Variants in COG4 observed in about 807,000 individuals in gnomAD.
COG4 encodes the protein component of oligomeric golgi complex 4, also known as conserved oligomeric Golgi complex subunit 4.
Under a neutral mutation model 95.1 loss-of-function variants are expected in COG4, and 65 were observed. The ratio of observed to expected loss-of-function variants is 0.68; its 90% CI spans 0.56 to 0.84. The LOEUF is 0.84. Ranked by LOEUF, COG4 falls within the 40% of genes least tolerant of loss-of-function variation. The pLI, the probability that COG4 is intolerant of heterozygous loss-of-function variation, is 0.00. For missense variants in COG4, 1,045 were observed against 989.1 expected (o/e 1.06, Z -0.76); for synonymous variants, 421 against 374.8 (o/e 1.12, Z -1.42).
At chr16:70,523,083 T>A in intron 1 of COG4, 1 of 470,204 alleles carries the variant, frequency 2.1e-6, no homozygotes, top group Non-Finnish European at 3.8e-6. Flanking sequence ...ACTCTCAGAC[T>A]AACTTTACTC....
At chr16:70,482,302 T>TCC in intron 15 of COG4, 127 bp from the exon 16 acceptor site, 1 of 749,564 alleles carries the variant, frequency 1.3e-6, no homozygotes. Flanking sequence ...CTGACTCATC[T>TCC]AGTTTAAAAC....
At chr16:70,483,145 C>T (rs1455752854) in intron 14 of COG4, among the ~76,000 whole-genome samples, 1 of 71,084 alleles carries the variant, frequency 1.4e-5, no homozygotes, top group Non-Finnish European at 2.9e-5. Context: ...CGTCTCCCCA[C>T]CCCTTCCCTC....
rs1484757704 is a variant in COG4 at position 70,507,266 on chromosome 16, C to G, written c.1061+1140G>C. ...TCAAAAAAGCAAAAAAACCCCAAAA[C>G]AACAACAAAAAAAAACTGTATCGGT... On this transcript the variant is annotated intron_variant, in intron 8 of 18. Coordinates refer to ENST00000323786, the MANE Select transcript of COG4 (RefSeq NM_015386.3). 2.0e-5 allele frequency among the ~76,000 whole-genome samples: 3 copies of G among 150,774 alleles called. No homozygotes were observed. In the South Asian group the frequency reaches 6.3e-4, roughly 31 times the overall value.
intron 1 of COG4, among the ~76,000 whole-genome samples, chr16:70,521,316 C>T (rs1419454665): frequency 1.3e-5 from 2 of 151,702 alleles, no homozygotes; most frequent in Non-Finnish European, 2.9e-5. Context: ...CCCTGGGGTT[C>T]AAGCGATTTT....
intron 1 of COG4, chr16:70,523,133 G>A (rs2151768805): frequency 3.6e-6 from 2 of 557,484 alleles, no homozygotes; most frequent in South Asian, 2.1e-5. Context: ...GGAAATCAAC[G>A]GGGGTCTAGG....
intron 14 of COG4, among the ~76,000 whole-genome samples, chr16:70,483,476 G>A (rs1387212859): frequency 2.0e-5 from 3 of 151,722 alleles, no homozygotes; most frequent in Admixed American, 6.6e-5. Context: ...CCAGGGTAAC[G>A]ATGAGGCCTT....
In COG4 at chr16:70,482,104, C is replaced by T. The variant is rs911959004; in HGVS notation, c.1992G>A (p.Met664Ile). 5.0e-6 allele frequency: 8 copies of T among 1,613,646 alleles called. No individual in the cohort carries two copies. The highest frequency in any genetic ancestry group is 6.8e-6 in the Non-Finnish European group (8 of 1,179,712). The change falls in exon 16 of 19, where the codon ATG (methionine) becomes ATA (isoleucine). Residue 664 changes from methionine to isoleucine, a missense_variant. Coordinates refer to ENST00000323786, the MANE Select transcript of COG4 (RefSeq NM_015386.3). ...GGCCCCTGCTCACCTTGAACTCTGCCATTTGCTGCTCCAGGTTAAGGATGA... is the reference window on the plus strand; with the variant it reads ...GGCCCCTGCTCACCTTGAACTCTGCTATTTGCTGCTCCAGGTTAAGGATGA... ...QQFILNLEQQ[M>I]AEFKASLSPV...
Position 70,512,361 on chromosome 16 carries a change from T to C in COG4, c.616A>G (p.Lys206Glu). 6.2e-7 allele frequency: 1 copy of C among 1,614,136 alleles called. No homozygotes were observed. The highest frequency in any genetic ancestry group is 8.5e-7 in the Non-Finnish European group (1 of 1,180,008). Residue 206 changes from lysine to glutamate, a missense_variant, in exon 5 of 19, where the codon AAG (lysine) becomes GAG (glutamate). By Grantham distance (56) the Lys-to-Glu change is moderately conservative. Coordinates refer to ENST00000323786, the MANE Select transcript of COG4 (RefSeq NM_015386.3). ...CCTTCCTTGGTGGCAATGGCAAACT[T>C]CTCTGCCACAATGGCTTTGAGACGT... ...EQRLKAIVAE[K>E]FAIATKEGDL...
At chr16:70,508,892 A>G (rs995613961) in intron 7 of COG4, 13 of 530,454 alleles carry the variant, frequency 2.5e-5, no homozygotes, top group Non-Finnish European at 7.1e-6. Flanking sequence ...TTACTTGGAC[A>G]CTTAATAGGA....
At chr16:70,517,488 T>G in intron 3 of COG4, 138 bp downstream of exon 3, 1 of 638,188 alleles carries the variant, frequency 1.6e-6, no homozygotes, top group Non-Finnish European at 2.7e-6. Context: ...CTCAGGAGGC[T>G]GAGGTGGGAG....
At chr16:70,492,835 T>A (rs1597664009) in intron 12 of COG4, among the ~76,000 whole-genome samples, 1 of 151,358 alleles carries the variant, frequency 6.6e-6, no homozygotes, top group Non-Finnish European at 1.5e-5. Context: ...TGGTGGCAGG[T>A]GCCTGTAATC....
Position 70,512,233 on chromosome 16 carries a change from C to T in COG4, c.738+6G>A, listed in dbSNP as rs764659186. The T allele has an allele frequency of 6.2e-7, 1 of 1,613,138 alleles. No individual in the cohort carries two copies. Among genetic ancestry groups the T allele is most frequent in the Non-Finnish European group, 8.5e-7 (1 of 1,179,132 alleles). ...AATTATCCTGCCAAGCAATCAGGGTCCATACCTGCTTGCAAAGGTACTCCG... is the reference window on the plus strand; with the variant it reads ...AATTATCCTGCCAAGCAATCAGGGTTCATACCTGCTTGCAAAGGTACTCCG... On this transcript the variant is annotated splice_donor_region_variant and intron_variant, in intron 5 of 18. Transcript: ENST00000323786.
intron 13 of COG4, among the ~76,000 whole-genome samples, chr16:70,488,314 A>G (rs942754095): frequency 2.6e-5 from 4 of 151,344 alleles, no homozygotes; most frequent in African/African-American, 9.7e-5. Flanking sequence ...TTGTATTTTT[A>G]GTAGAGACAG....
intron 7 of COG4, 161 bp from the exon 8 acceptor site, chr16:70,508,625 G>A (rs2151757719): frequency 1.4e-6 from 1 of 711,262 alleles, no homozygotes; most frequent in Non-Finnish European, 2.6e-6. Flanking sequence ...AGGATGACAG[G>A]CCAAAGATTT....
At chr16:70,503,531 G>A (rs912294874) in intron 8 of COG4, among the ~76,000 whole-genome samples, 2 of 151,526 alleles carry the variant, frequency 1.3e-5, no homozygotes, top group African/African-American at 2.4e-5. Flanking sequence ...AAATACACAT[G>A]ACCTTTGCAC....
chr16:70,501,801 G>A (rs1349082858), intron 8 of COG4, among the ~76,000 whole-genome samples: 3 of 150,936 alleles, frequency 2.0e-5, no homozygotes, highest in African/African-American at 7.4e-5. Context: ...ACAGGAGTGT[G>A]CCACCCCACC....
chr16:70,496,696 T>G (rs2151748959), intron 11 of COG4, among the ~76,000 whole-genome samples: 1 of 152,276 alleles, frequency 6.6e-6, no homozygotes, highest in South Asian at 2.1e-4. Context: ...ACCACTGCAC[T>G]CCCAACAAAG....
chr16:70,484,064 GC>G, intron 13 of COG4, 95 bp from the exon 14 acceptor site: 2 of 930,392 alleles, frequency 2.1e-6, no homozygotes, highest in Non-Finnish European at 3.5e-6. Flanking sequence ...GCCAGCTATG[GC>G]CTGTCAAGAG....
intron 12 of COG4, among the ~76,000 whole-genome samples, chr16:70,493,357 A>G (rs1323422322): frequency 6.6e-6 from 1 of 152,020 alleles, no homozygotes; most frequent in Non-Finnish European, 1.5e-5. Context: ...GCCCTCAGCC[A>G]TGTGTGGCTA....
Sources: allele counts gnomAD v4.1 joint callset (sites outside exome capture counted in the v4.1 genomes callset), GRCh38; gene constraint gnomAD v4.1.1; transcripts MANE v1.5; gene names NCBI Gene and HGNC (gene_info 2026-07-23, HGNC 2026-07-21).